The following PDCL3 variants were observed in gnomAD, a reference collection of about 807,000 sequenced individuals.
PDCL3 encodes phosducin-like protein 3.
Under a neutral mutation model 26.5 loss-of-function variants are expected in PDCL3, and 22 were observed. The ratio of observed to expected loss-of-function variants is 0.83; its 90% confidence interval spans 0.59 to 1.19. PDCL3 has a LOEUF of 1.19. PDCL3 is among the 50% of genes most tolerant of loss of function. The pLI is 0.00. For missense variants in PDCL3, 246 were observed against 294.1 expected (o/e 0.84, Z 1.20); for synonymous variants, 81 against 104.9 (o/e 0.77, Z 1.39).
intron 1 of PDCL3, chr2:100,563,399 T>G: frequency 3.1e-6 from 1 of 318,918 alleles, no homozygotes; most frequent in Non-Finnish European, 5.7e-6. Flanking sequence ...TCTCCTGAAC[T>G]CCCCTAAGGC....
At chr2:100,569,171 G>A (rs1399205648) in intron 3 of PDCL3, 150 bp downstream of exon 3, 11 of 671,058 alleles carry the variant, frequency 1.6e-5, no homozygotes, top group Non-Finnish European at 2.6e-5. Flanking sequence ...CAGGCAGATC[G>A]CTTGAGCTCA....
Position 100,566,529 on chromosome 2 carries a change from T to G in PDCL3, c.33T>G (p.Asn11Lys). 6.2e-7 allele frequency: 1 copy of G among 1,613,036 alleles called. No homozygotes were observed. Among genetic ancestry groups the G allele is most frequent in the Non-Finnish European group, 8.5e-7 (1 of 1,179,846 alleles). The change falls in exon 2 of 6, where the codon AAT becomes AAG. Residue 11 changes from asparagine (N) to lysine (K), a missense_variant. Coordinates refer to ENST00000264254, the MANE Select transcript of PDCL3 (RefSeq NM_024065.5). MQDPNADTEW[N>K]DILRKKGILP... is the part of the protein sequence containing the mutation. ...ACCCCAACGCAGACACTGAATGGAA[T>G]GACATCTTACGCAAAAAGGGTATCT... is the stretch of plus-strand genomic sequence containing the variant.
chr2:100,575,311 A>ATT (rs533151779), intron 5 of PDCL3, among the ~76,000 whole-genome samples: 67 of 152,106 alleles, frequency 4.4e-4, no homozygotes, highest in South Asian at 3.3e-3. Context: ...AATTTTTTGT[A>ATT]TTTTTAGTAG....
At chr2:100,565,275 ATTT>A (rs34583403) in intron 1 of PDCL3, among the ~76,000 whole-genome samples, 39 of 133,198 alleles carry the variant, frequency 2.9e-4, no homozygotes, top group Non-Finnish European at 5.5e-4. Context: ...AGCCTGGAAG[ATTT>A]TTTTTTTTTT....
At position 100,569,785 on chromosome 2, in the gene PDCL3, G is replaced by T. The variant is rs1318583261; in HGVS notation, c.368+64G>T. The T allele has an allele frequency of 1.9e-6, 3 of 1,560,076 alleles. No homozygotes were observed. In the African/African-American group the frequency reaches 4.1e-5, roughly 21 times the overall value. On this transcript the variant is annotated intron_variant, in intron 4 of 5. Transcript: ENST00000264254. ...TGAATTTATGTCTTCAGGATCTCAG[G>T]CGTTACCTATATCAGAGGGTTAAGA...
intron 5 of PDCL3, among the ~76,000 whole-genome samples, chr2:100,573,361 A>T (rs573977206): frequency 6.6e-6 from 1 of 152,176 alleles, no homozygotes; most frequent in South Asian, 2.1e-4. Context: ...ACATGACTTT[A>T]TATACTGTAC....
At chr2:100,574,262 G>T (rs1356251737) in intron 5 of PDCL3, among the ~76,000 whole-genome samples, 1 of 152,002 alleles carries the variant, frequency 6.6e-6, no homozygotes, top group African/African-American at 2.4e-5. Flanking sequence ...ACCTGCCTCA[G>T]CCTCCCAAAG....
chr2:100,569,950 C>CA (rs1675135187), intron 4 of PDCL3, among the ~76,000 whole-genome samples: 1 of 152,064 alleles, frequency 6.6e-6, no homozygotes. Flanking sequence ...ACTAAAAATA[C>CA]AAAAACAAAA....
chr2:100,568,597 C>T (rs1208899968), intron 2 of PDCL3, among the ~76,000 whole-genome samples: 3 of 152,162 alleles, frequency 2.0e-5, no homozygotes, highest in Non-Finnish European at 4.4e-5. Context: ...CGCACCATTG[C>T]ACTCCAGCCT....
intron 5 of PDCL3, among the ~76,000 whole-genome samples, chr2:100,574,443 T>TA (rs1675239893): frequency 6.8e-6 from 1 of 147,370 alleles, no homozygotes; most frequent in African/African-American, 2.5e-5. Context: ...GTGGAACACT[T>TA]TTTTTTTTTT....
chr2:100,563,236 G>C, intron 1 of PDCL3, 163 bp downstream of exon 1: 1 of 858,132 alleles, frequency 1.2e-6, no homozygotes, highest in Non-Finnish European at 1.7e-6. Flanking sequence ...CGGGAGGCGG[G>C]CGTGGTCCCA....
intron 4 of PDCL3, among the ~76,000 whole-genome samples, chr2:100,570,811 T>C (rs1200930300): frequency 6.6e-6 from 1 of 152,136 alleles, no homozygotes; most frequent in Non-Finnish European, 1.5e-5. Flanking sequence ...TTTTCTGACA[T>C]TTCATACTTT....
At chr2:100,570,941 C>T (rs1675155926) in intron 4 of PDCL3, among the ~76,000 whole-genome samples, 1 of 151,980 alleles carries the variant, frequency 6.6e-6, no homozygotes, top group African/African-American at 2.4e-5. Context: ...GATTTGTGTT[C>T]TTCACTTTCC....
intron 1 of PDCL3, among the ~76,000 whole-genome samples, chr2:100,563,681 C>T (rs1243016503): frequency 6.7e-6 from 1 of 149,918 alleles, no homozygotes; most frequent in Non-Finnish European, 1.5e-5. Flanking sequence ...CTGCAATTTA[C>T]TAGCGGAATT....
intron 1 of PDCL3, among the ~76,000 whole-genome samples, chr2:100,563,859 G>C (rs1040800705): frequency 6.6e-6 from 1 of 151,740 alleles, no homozygotes; most frequent in South Asian, 2.1e-4. Context: ...GGTTTTGCTG[G>C]GGAGGGAGGC....
chr2:100,575,400 G>A (rs1465627297), intron 5 of PDCL3, among the ~76,000 whole-genome samples: 1 of 152,232 alleles, frequency 6.6e-6, no homozygotes, highest in African/African-American at 2.4e-5. Context: ...CTCCCAAAGT[G>A]CTGGGATTAC....
At chr2:100,563,963 G>C (rs780793732) in intron 1 of PDCL3, among the ~76,000 whole-genome samples, 1 of 150,722 alleles carries the variant, frequency 6.6e-6, no homozygotes, top group African/African-American at 2.4e-5. Context: ...CCAGGCTGGA[G>C]TGCAGTGGCT....
chr2:100,574,677 T>TCTTAA (rs1675243836), intron 5 of PDCL3, among the ~76,000 whole-genome samples: 1 of 152,236 alleles, frequency 6.6e-6, no homozygotes, highest in Non-Finnish European at 1.5e-5. Context: ...AGTTACCATG[T>TCTTAA]TCTACATTAG....
Position 100,563,005 on chromosome 2 carries a change from AAG to A in PDCL3, c.-58_-57del, listed in dbSNP as rs1674976763. The stretch of plus-strand genomic sequence containing the variant: ...GTGGCGGCGCTGTGCGCGTGCACAA[AAG>A]AGAGCTGAGGGGCGGGGGCGCTGCG... On this transcript the variant is annotated 5_prime_UTR_variant, in exon 1 of 6. Transcript: ENST00000264254. The A allele has an allele frequency of 5.9e-5, 93 of 1,575,552 alleles. 1 individual carries two copies. The South Asian group carries it at 1.1e-3, about 18-fold the overall frequency.
Sources: allele counts gnomAD v4.1 joint callset (sites outside exome capture counted in the v4.1 genomes callset), GRCh38; gene constraint gnomAD v4.1.1; transcripts MANE v1.5; gene names NCBI Gene and HGNC (gene_info 2026-07-23, HGNC 2026-07-21).